LHFPL3: variants seen among roughly 807,000 people sequenced by gnomAD.
LHFPL3 encodes the protein LHFPL tetraspan subfamily member 3 protein.
LHFPL3 carries 5 observed loss-of-function variants against 19.3 expected under a neutral mutation model. The ratio of observed to expected loss-of-function variants is 0.26; its 90% CI spans 0.14 to 0.54. The LOEUF (loss-of-function observed/expected upper bound fraction) is 0.54. LHFPL3 is among the 20% of genes least tolerant of loss of function. The probability of loss-of-function intolerance (pLI) is 0.94; values close to 1 mark genes in which losing one functional copy is unlikely to be tolerated. For missense variants in LHFPL3, 249 were observed against 307.4 expected, an observed-to-expected ratio of 0.81 and a Z score of 1.42; for synonymous variants, 133 against 126.2, an observed-to-expected ratio of 1.05 and a Z score of -0.36.
chr7:104,589,466 T>C (rs1053962959), intron 1 of LHFPL3, among the ~76,000 whole-genome samples: 1 of 152,212 alleles, frequency 6.6e-6, no homozygotes, highest in African/African-American at 2.4e-5. Flanking sequence ...TGAAACCAAC[T>C]TGATCGTGGT....
At chr7:104,754,476 C>T (rs539632958) in intron 2 of LHFPL3, among the ~76,000 whole-genome samples, 119 of 152,326 alleles carry the variant, frequency 7.8e-4, no homozygotes, top group Non-Finnish European at 1.4e-3. Context: ...AGAGCCTTAG[C>T]TTCACTGCTT....
At chr7:104,565,247 G>T (rs945923474) in intron 1 of LHFPL3, among the ~76,000 whole-genome samples, 2 of 152,166 alleles carry the variant, frequency 1.3e-5, no homozygotes, top group Non-Finnish European at 2.9e-5. Context: ...ATTCAGCTCT[G>T]TGGCTCCTAG....
chr7:104,908,075 G>A lies in LHFPL3; in HGVS notation c.*1860G>A, dbSNP rs548267161. ...ATTACACACAACTTTTCAAGAATTC[G>A]TATTTTATTTGAAGGGAGGTACCTG... On this transcript the variant is annotated 3_prime_UTR_variant, in exon 3 of 3. Transcript: ENST00000424859. Among the ~76,000 whole-genome samples, 6 of 152,214 alleles carry A rather than the reference G, an allele frequency of 3.9e-5. No individual in the cohort carries two copies. The highest frequency in any genetic ancestry group is 2.1e-4 in the South Asian group (1 of 4,820).
At chr7:104,763,111 TTC>T (rs1375897166) in intron 2 of LHFPL3, among the ~76,000 whole-genome samples, 1 of 152,226 alleles carries the variant, frequency 6.6e-6, no homozygotes, top group Non-Finnish European at 1.5e-5. Flanking sequence ...TTGATAACTA[TTC>T]TATAATCATC....
At chr7:104,594,419 T>A (rs1042616816) in intron 1 of LHFPL3, among the ~76,000 whole-genome samples, 20 of 152,264 alleles carry the variant, frequency 1.3e-4, no homozygotes, top group African/African-American at 4.8e-4. Flanking sequence ...GTTAGTCTGA[T>A]GGGCTTCCCT....
At chr7:104,747,509 C>T (rs1458127132) in intron 2 of LHFPL3, among the ~76,000 whole-genome samples, 2 of 152,212 alleles carry the variant, frequency 1.3e-5, no homozygotes, top group African/African-American at 4.8e-5. Flanking sequence ...TTGTAGGTCC[C>T]TGTGTTTTGT....
intron 1 of LHFPL3, among the ~76,000 whole-genome samples, chr7:104,389,604 T>A (rs903010007): frequency 6.6e-6 from 1 of 152,130 alleles, no homozygotes; most frequent in African/African-American, 2.4e-5. Context: ...ACTTCCCAAT[T>A]GCAAAACTTA....
chr7:104,413,301 C>T (rs998120583), intron 1 of LHFPL3, among the ~76,000 whole-genome samples: 3 of 152,184 alleles, frequency 2.0e-5, no homozygotes, highest in Admixed American at 1.3e-4. Flanking sequence ...GCCATTCTCA[C>T]GGTGTCTGTT....
At chr7:104,390,905 G>A (rs1335292790) in intron 1 of LHFPL3, among the ~76,000 whole-genome samples, 1 of 152,142 alleles carries the variant, frequency 6.6e-6, no homozygotes, top group Non-Finnish European at 1.5e-5. Flanking sequence ...ATCTCACTGT[G>A]GTTTTGATTT....
chr7:104,691,062 C>T (rs754928850), intron 1 of LHFPL3, among the ~76,000 whole-genome samples: 1 of 152,202 alleles, frequency 6.6e-6, no homozygotes, highest in Non-Finnish European at 1.5e-5. Context: ...TGAGAGACAG[C>T]ATTTGCCCTG....
At chr7:104,436,793 T>C (rs747562166) in intron 1 of LHFPL3, among the ~76,000 whole-genome samples, 38 of 152,232 alleles carry the variant, frequency 2.5e-4, no homozygotes, top group Non-Finnish European at 4.6e-4. Context: ...TTTCTCTTGA[T>C]ATCATTAAAT....
intron 1 of LHFPL3, among the ~76,000 whole-genome samples, chr7:104,703,180 T>C (rs1389622333): frequency 6.6e-6 from 1 of 152,254 alleles, no homozygotes; most frequent in African/African-American, 2.4e-5. Context: ...TTCATGAATT[T>C]ATTTAGGCTT....
At chr7:104,338,093 C>CTTTTTTTTTTTTT (rs71296520) in intron 1 of LHFPL3, among the ~76,000 whole-genome samples, 44 of 85,844 alleles carry the variant, frequency 5.1e-4, no homozygotes, top group South Asian at 1.4e-3. Flanking sequence ...TTTCCTTTTT[C>CTTTTTTTTTTTTT]TTTTTTTTTT....
At chr7:104,349,119 A>G (rs1381936034) in intron 1 of LHFPL3, among the ~76,000 whole-genome samples, 1 of 152,208 alleles carries the variant, frequency 6.6e-6, no homozygotes, top group African/African-American at 2.4e-5. Context: ...GAAGAAAGAA[A>G]AACCTATATA....
intron 1 of LHFPL3, among the ~76,000 whole-genome samples, chr7:104,346,258 A>C (rs1434236006): frequency 6.6e-6 from 1 of 150,522 alleles, no homozygotes; most frequent in Non-Finnish European, 1.5e-5. Flanking sequence ...CTGGTCTCGA[A>C]CTCCTGACCT....
chr7:104,745,127 G>A (rs1309668535), intron 2 of LHFPL3, among the ~76,000 whole-genome samples: 1 of 152,076 alleles, frequency 6.6e-6, no homozygotes, highest in Admixed American at 6.5e-5. Flanking sequence ...AGCCAAAGCA[G>A]ACCCTGGTGG....
chr7:104,884,473 G>C (rs1792112095), intron 2 of LHFPL3, among the ~76,000 whole-genome samples: 1 of 152,166 alleles, frequency 6.6e-6, no homozygotes, highest in South Asian at 2.1e-4. Context: ...TCTGGGAATA[G>C]AACCTAGGAA....
chr7:104,573,446 A>T (rs1430724310), intron 1 of LHFPL3, among the ~76,000 whole-genome samples: 1 of 152,120 alleles, frequency 6.6e-6, no homozygotes, highest in African/African-American at 2.4e-5. Flanking sequence ...AGAAAAGACA[A>T]ATATTAAGTA....
chr7:104,516,373 T>C (rs1475354601), intron 1 of LHFPL3, among the ~76,000 whole-genome samples: 1 of 152,132 alleles, frequency 6.6e-6, no homozygotes, highest in African/African-American at 2.4e-5. Context: ...ATTCAAGATG[T>C]GATTTGGGTA....
Sources: gnomAD v4.1 joint callset for allele counts (sites outside exome capture counted in the v4.1 genomes callset) on GRCh38, gnomAD v4.1.1 for gene constraint, MANE v1.5 for transcripts, NCBI Gene and HGNC (gene_info 2026-07-23, HGNC 2026-07-21) for gene names.